IPP: variants seen among roughly 807,000 people sequenced by gnomAD.
IPP encodes actin-binding protein IPP.
Under a neutral mutation model 64.1 loss-of-function variants are expected in IPP, and 41 were observed. The ratio of observed to expected loss-of-function variants is 0.64; its 90% confidence interval spans 0.50 to 0.83. IPP has a LOEUF of 0.83. Ranked by LOEUF, IPP falls within the 40% of genes least tolerant of loss-of-function variation. The pLI is 0.00. For missense variants in IPP, 649 were observed against 703.0 expected, an observed-to-expected ratio of 0.92 and a Z score of 0.87; for synonymous variants, 214 against 235.2, an observed-to-expected ratio of 0.91 and a Z score of 0.83.
intron 5 of IPP, among the ~76,000 whole-genome samples, chr1:45,726,085 TA>T (rs1311008830): frequency 5.4e-5 from 7 of 129,566 alleles, no homozygotes; most frequent in African/African-American, 8.7e-5. Context: ...GAATGATCAA[TA>T]AAAAAAATAA....
chr1:45,725,044 C>A (rs1645795414), intron 5 of IPP, among the ~76,000 whole-genome samples: 1 of 148,334 alleles, frequency 6.7e-6, no homozygotes, highest in African/African-American at 2.5e-5. Flanking sequence ...CCCGGCCAGC[C>A]GCCCCGTCCG....
At position 45,741,326 on chromosome 1, in the gene IPP, A is replaced by G. The variant is rs766315283; in HGVS notation, c.299T>C (p.Val100Ala). The G allele has an allele frequency of 5.0e-6, 8 of 1,597,348 alleles. No homozygotes were observed. In the Admixed American group the frequency reaches 8.7e-5, roughly 17 times the overall value. The change falls in exon 3 of 9, where the codon GTG becomes GCG. Residue 100 changes from valine (V) to alanine (A), a missense_variant. Val to Ala is a moderately conservative substitution (Grantham distance 64, BLOSUM62 0). Coordinates refer to ENST00000396478, the MANE Select transcript of IPP (RefSeq NM_005897.3). The stretch of plus-strand genomic sequence containing the variant: ...CTGGACATTATTCACACCTATGTTC[A>G]CTATACCTAGAGAAGTAGGAAGACA... ...ILLDFIYTGI[V>A]NIGVNNVQEL...
intron 1 of IPP, among the ~76,000 whole-genome samples, chr1:45,749,545 G>T (rs1226463847): frequency 6.9e-6 from 1 of 144,348 alleles, no homozygotes; most frequent in Non-Finnish European, 1.5e-5. Context: ...TTTTGAGACG[G>T]AGTCTCGCTC....
chr1:45,696,543 G>T (rs924309889), downstream of IPP, among the ~76,000 whole-genome samples: 1 of 152,204 alleles, frequency 6.6e-6, no homozygotes, highest in African/African-American at 2.4e-5. Flanking sequence ...CACTTTGGGA[G>T]GCCAAGGCAG....
intron 5 of IPP, among the ~76,000 whole-genome samples, chr1:45,722,228 T>C (rs1645742898): frequency 1.3e-5 from 2 of 151,702 alleles, no homozygotes. Context: ...CCCTCTAGCC[T>C]GGGTGACAGA....
Position 45,700,007 on chromosome 1 carries a change from T to G in IPP, c.1714A>C (p.Met572Leu), listed in dbSNP as rs775770490. The G allele has an allele frequency of 6.2e-7, 1 of 1,614,226 alleles. No homozygotes were observed. ...CCCCCTTCACAACGACTGGTGATCATGTTACCAATTTCTGTCCATGTATCT... is the reference window on the plus strand; with the variant it reads ...CCCCCTTCACAACGACTGGTGATCAGGTTACCAATTTCTGTCCATGTATCT... ...HSDTWTEIGNMITSRCEGGVA... is the reference protein window; with the variant it reads ...HSDTWTEIGNLITSRCEGGVA... The change falls in exon 9 of 9, where the codon ATG (methionine) becomes CTG (leucine). Residue 572 changes from methionine (M) to leucine (L), a missense_variant. Physicochemically the swap from Met to Leu is conservative, Grantham distance 15. Transcript: ENST00000396478.
At chr1:45,725,210 T>TG (rs1645802375) in intron 5 of IPP, among the ~76,000 whole-genome samples, 3 of 74,476 alleles carry the variant, frequency 4.0e-5, no homozygotes, top group African/African-American at 5.5e-5. Flanking sequence ...GGGAGGGAGG[T>TG]GGGGGGGTCA....
In IPP at chr1:45,744,700, A is replaced by G. The variant is rs1198781997; in HGVS notation, c.292+1420T>C. Among the ~76,000 whole-genome samples, 25 of 151,990 alleles carry G rather than the reference A, an allele frequency of 1.6e-4. 2 individuals are homozygous for G. Among genetic ancestry groups the G allele is most frequent in the Admixed American group, 1.5e-3 (23 of 15,254 alleles). The stretch of plus-strand genomic sequence containing the variant: ...CTAAAAATATAAAAATTAGCTGGGC[A>G]TGGTGGCACGTGCCTGTAGTCCCAG... On this transcript the variant is annotated intron_variant, in intron 2 of 8. Coordinates refer to ENST00000396478, the MANE Select transcript of IPP (RefSeq NM_005897.3).
chr1:45,745,933 G>A (rs1646127530), intron 2 of IPP, among the ~76,000 whole-genome samples, 187 bp downstream of exon 2: 1 of 152,076 alleles, frequency 6.6e-6, no homozygotes, highest in Non-Finnish European at 1.5e-5. Flanking sequence ...ATATGTGCCT[G>A]CATCACTAAT....
chr1:45,700,296 A>G (rs1253619778), intron 8 of IPP, 106 bp from the exon 9 acceptor site: 1 of 1,413,336 alleles, frequency 7.1e-7, no homozygotes, highest in Non-Finnish European at 9.4e-7. Context: ...GTTTAAATGT[A>G]AAACTATCTA....
chr1:45,700,123 C>T lies in IPP; in HGVS notation c.1598G>A (p.Gly533Asp). Residue 533 changes from glycine (G) to aspartate (D), a missense_variant, in exon 9 of 9, where the codon GGT becomes GAT. Physicochemically the swap from Gly to Asp is moderately conservative, Grantham distance 94. Transcript: ENST00000396478. ...RAGMCVVAVN[G>D]LLYVSGGRSS... is the part of the protein sequence containing the mutation. Reference sequence around the variant, plus strand: ...TCGACCTCCAGAAACATACAGAAGACCATTGACTGCCACAACACACATGCC... The same window carrying T: ...TCGACCTCCAGAAACATACAGAAGATCATTGACTGCCACAACACACATGCC... The T allele has an allele frequency of 6.2e-7, 1 of 1,613,916 alleles. No homozygotes were observed. The highest frequency in any genetic ancestry group is 2.2e-5 in the East Asian group (1 of 44,870).
chr1:45,705,361 G>A (rs940404159), intron 8 of IPP, among the ~76,000 whole-genome samples: 1 of 152,138 alleles, frequency 6.6e-6, no homozygotes, highest in Non-Finnish European at 1.5e-5. Context: ...TATTTCTGCC[G>A]GAAAATAAAG....
chr1:45,724,346 C>T (rs1353621795), intron 5 of IPP, among the ~76,000 whole-genome samples: 167 of 151,694 alleles, frequency 1.1e-3, no homozygotes, highest in African/African-American at 3.8e-3. Context: ...CACCTCCCAG[C>T]CGCCTGCCTT....
intron 3 of IPP, among the ~76,000 whole-genome samples, chr1:45,732,146 G>C (rs1397343928): frequency 6.6e-6 from 1 of 151,764 alleles, no homozygotes; most frequent in South Asian, 2.1e-4. Flanking sequence ...GATCACCTGA[G>C]GTCAAGAGTT....
At chr1:45,725,372 A>G (rs1447541574) in intron 5 of IPP, among the ~76,000 whole-genome samples, 8 of 128,320 alleles carry the variant, frequency 6.2e-5, no homozygotes, top group South Asian at 2.6e-4. Flanking sequence ...CAGCCACCCC[A>G]TCCGGGAGGT....
chr1:45,746,660 C>T (rs933856995), intron 1 of IPP, among the ~76,000 whole-genome samples, 199 bp from the exon 2 acceptor site: 1 of 152,050 alleles, frequency 6.6e-6, no homozygotes, highest in Non-Finnish European at 1.5e-5. Flanking sequence ...TTGGAGAATG[C>T]TTCACACAAG....
chr1:45,725,351 C>T (rs1378075764), intron 5 of IPP, among the ~76,000 whole-genome samples: 1 of 146,814 alleles, frequency 6.8e-6, no homozygotes, highest in Non-Finnish European at 1.5e-5. Context: ...GGTGTCAGCC[C>T]CCCGCCCGGC....
At chr1:45,702,225 A>T (rs1557736763) in intron 8 of IPP, among the ~76,000 whole-genome samples, 1 of 152,058 alleles carries the variant, frequency 6.6e-6, no homozygotes, top group Non-Finnish European at 1.5e-5. Context: ...ACTACAGTTT[A>T]ATTTTTAAAT....
chr1:45,730,062 T>A (rs1645885169), intron 3 of IPP, among the ~76,000 whole-genome samples: 2 of 152,318 alleles, frequency 1.3e-5, no homozygotes, highest in Admixed American at 6.5e-5. Context: ...CATAAGAATT[T>A]CCAGGCCAGA....
Sources: allele counts gnomAD v4.1 joint callset (sites outside exome capture counted in the v4.1 genomes callset), GRCh38; gene constraint gnomAD v4.1.1; transcripts MANE v1.5; gene names NCBI Gene and HGNC (gene_info 2026-07-23, HGNC 2026-07-21).